MAML3: variants seen among roughly 807,000 people sequenced by gnomAD.
The protein encoded by MAML3 is mastermind like transcriptional coactivator 3.
MAML3 carries 27 observed loss-of-function variants against 101.9 expected under a neutral mutation model. The observed-to-expected ratio is 0.27, with a 90% CI of 0.20 to 0.37. MAML3 has a LOEUF of 0.37. Among genes scored for constraint, MAML3 ranks in the 10% least tolerant of loss-of-function variants. MAML3 has a pLI of 1.00. For synonymous variants in MAML3, 501 were observed against 555.9 expected (o/e 0.90, Z 1.39); for missense variants, 1,316 against 1,444.9 (o/e 0.91, Z 1.45).
intron 1 of MAML3, among the ~76,000 whole-genome samples, chr4:140,106,886 T>C (rs1728361632): frequency 6.6e-6 from 1 of 152,236 alleles, no homozygotes; most frequent in African/African-American, 2.4e-5. Context: ...GTTTGTTTTT[T>C]TGAGATGGAG....
At position 139,797,235 on chromosome 4, in the gene MAML3, C is replaced by T. The variant is rs564918096; in HGVS notation, c.2080-66568G>A. On this transcript the variant is annotated intron_variant, in intron 2 of 4. Coordinates refer to ENST00000509479, the MANE Select transcript of MAML3 (RefSeq NM_018717.5). ...TGATAAAAATACACATATACACATG[C>T]TGACATTTAACTAATAAGAGTCCAG... Among the ~76,000 whole-genome samples, 10 of 152,254 alleles carry T rather than the reference C, an allele frequency of 6.6e-5. No homozygotes were observed. In the South Asian group the frequency reaches 1.9e-3, roughly 28 times the overall value.
At chr4:139,994,781 TGG>T (rs763019340) in intron 1 of MAML3, among the ~76,000 whole-genome samples, 38 of 149,710 alleles carry the variant, frequency 2.5e-4, no homozygotes, top group South Asian at 4.2e-4. Flanking sequence ...GTGGTGCTGG[TGG>T]GGGGTGTGTG....
intron 2 of MAML3, among the ~76,000 whole-genome samples, chr4:139,840,294 T>C (rs747605057): frequency 1.3e-5 from 2 of 152,172 alleles, no homozygotes; most frequent in African/African-American, 2.4e-5. Context: ...CACAGAGCAG[T>C]TGGTAAATTC....
At chr4:139,778,374 G>A (rs899561136) in intron 2 of MAML3, among the ~76,000 whole-genome samples, 7 of 152,248 alleles carry the variant, frequency 4.6e-5, no homozygotes, top group Non-Finnish European at 1.0e-4. Context: ...AAACCCAGTG[G>A]GGCATCATCC....
Position 139,814,741 on chromosome 4 carries a change from T to C in MAML3, c.2079+74616A>G, listed in dbSNP as rs186227756. Among the ~76,000 whole-genome samples, 826 of 152,206 alleles carry C rather than the reference T, an allele frequency of 5.4e-3. 1 individual carries two copies. Among genetic ancestry groups the C allele is most frequent in the Non-Finnish European group, 9.5e-3 (643 of 68,016 alleles). ...TGGGGCACACAGTGGCTGGGAGTTT[T>C]CTGGGGACCTTCCAAATCCTACCTG... On this transcript the variant is annotated intron_variant, in intron 2 of 4. Transcript: ENST00000509479.
At chr4:139,797,760 C>A (rs960896534) in intron 2 of MAML3, among the ~76,000 whole-genome samples, 1 of 151,844 alleles carries the variant, frequency 6.6e-6, no homozygotes, top group African/African-American at 2.4e-5. Context: ...CTGCACCCCC[C>A]AAAAAAGACT....
intron 2 of MAML3, among the ~76,000 whole-genome samples, chr4:139,830,398 G>A (rs186072447): frequency 3.3e-5 from 5 of 150,206 alleles, no homozygotes; most frequent in Admixed American, 3.3e-4. Context: ...AAATACTTTT[G>A]CACGCTGTGC....
At chr4:139,778,845 T>C in intron 2 of MAML3, among the ~76,000 whole-genome samples, 1 of 151,978 alleles carries the variant, frequency 6.6e-6, no homozygotes, top group Admixed American at 6.6e-5. Context: ...TAGCTGGGTG[T>C]GGTGGCAGGC....
chr4:139,917,074 G>A (rs890924800), intron 1 of MAML3, among the ~76,000 whole-genome samples: 2 of 152,114 alleles, frequency 1.3e-5, no homozygotes, highest in Non-Finnish European at 2.9e-5. Flanking sequence ...GAATTTTGTG[G>A]GTATGTGTCT....
intron 1 of MAML3, among the ~76,000 whole-genome samples, chr4:140,050,058 T>A (rs914323371): frequency 2.0e-5 from 3 of 152,190 alleles, no homozygotes; most frequent in African/African-American, 7.2e-5. Context: ...AAGGGAAATT[T>A]CTAAGAAGGA....
intron 2 of MAML3, among the ~76,000 whole-genome samples, chr4:139,748,074 A>G (rs1729384641): frequency 6.7e-6 from 1 of 149,234 alleles, no homozygotes; most frequent in Admixed American, 6.9e-5. Context: ...AAAAAAAAAA[A>G]AAGAATGCAC....
At chr4:139,954,314 C>T (rs1733880946) in intron 1 of MAML3, among the ~76,000 whole-genome samples, 1 of 152,192 alleles carries the variant, frequency 6.6e-6, no homozygotes, top group Non-Finnish European at 1.5e-5. Context: ...CTATTGTTAG[C>T]TTGTGCTTTG....
At chr4:139,955,885 G>T (rs1733907479) in intron 1 of MAML3, among the ~76,000 whole-genome samples, 1 of 152,050 alleles carries the variant, frequency 6.6e-6, no homozygotes, top group Admixed American at 6.6e-5. Context: ...GCTTCTGTCA[G>T]CCTGGGCCCC....
At chr4:139,954,416 G>A (rs1183145214) in intron 1 of MAML3, among the ~76,000 whole-genome samples, 7 of 152,324 alleles carry the variant, frequency 4.6e-5, no homozygotes, top group Non-Finnish European at 7.3e-5. Context: ...CTGTGTTTCC[G>A]TGGAACACCT....
intron 2 of MAML3, among the ~76,000 whole-genome samples, chr4:139,750,579 T>C (rs1387757346): frequency 6.6e-6 from 1 of 152,186 alleles, no homozygotes; most frequent in East Asian, 1.9e-4. Flanking sequence ...ATGATGAAAC[T>C]CGACACACTG....
chr4:139,904,266 T>C (rs1367991094), intron 1 of MAML3, among the ~76,000 whole-genome samples: 1 of 152,198 alleles, frequency 6.6e-6, no homozygotes, highest in African/African-American at 2.4e-5. Flanking sequence ...ATGAAACTGA[T>C]AATTTGGTTC....
Position 140,118,449 on chromosome 4 carries a change from A to G in MAML3, c.468+34411T>C, listed in dbSNP as rs143047265. ...AAGTATTAGCTAATAATAATAATAA[A>G]CAATGAAAATGAGGATGAGGTAGCA... On this transcript the variant is annotated intron_variant, in intron 1 of 4. Transcript: ENST00000509479. Among the ~76,000 whole-genome samples the G allele has an allele frequency of 1.2e-3, 188 of 152,294 alleles. 1 individual carries two copies. Among genetic ancestry groups the G allele is most frequent in the African/African-American group, 4.3e-3 (177 of 41,556 alleles).
intron 2 of MAML3, among the ~76,000 whole-genome samples, chr4:139,801,672 GTGTGTGTGTC>G (rs1560798592): frequency 0.033 from 592 of 18,154 alleles, 5 homozygotes; most frequent in South Asian, 0.12. Flanking sequence ...GTGTGTGTGT[GTGTGTGTGTC>G]TGTGTGTGTG....
intron 1 of MAML3, among the ~76,000 whole-genome samples, chr4:140,091,082 CAAA>C (rs1411724787): frequency 1.0e-4 from 15 of 147,512 alleles, no homozygotes; most frequent in African/African-American, 2.5e-4. Flanking sequence ...CAACAAACAA[CAAA>C]AAGACAGAGA....
Sources: allele counts gnomAD v4.1 joint callset (sites outside exome capture counted in the v4.1 genomes callset), GRCh38; gene constraint gnomAD v4.1.1; transcripts MANE v1.5; gene names NCBI Gene and HGNC (gene_info 2026-07-23, HGNC 2026-07-21).